GPR139: variants seen among roughly 807,000 people sequenced by gnomAD.
GPR139 encodes G protein-coupled receptor 139, also known as probable G protein-coupled receptor 139.
GPR139 carries 12 observed loss-of-function variants against 25.8 expected under a neutral mutation model. The observed-to-expected ratio is 0.47, with a 90% confidence interval of 0.30 to 0.75. The LOEUF (loss-of-function observed/expected upper bound fraction) is 0.75, where lower values mean the gene tolerates loss of function less well. Among genes scored for constraint, GPR139 ranks in the 30% least tolerant of loss-of-function variants. The pLI is 0.07. For missense variants in GPR139, 380 were observed against 450.2 expected (o/e 0.84, Z 1.41); for synonymous variants, 184 against 179.9 (o/e 1.02, Z -0.18).
chr16:20,072,311 C>T (rs576098990), intron 1 of GPR139, among the ~76,000 whole-genome samples: 98 of 152,248 alleles, frequency 6.4e-4, no homozygotes, highest in Middle Eastern at 6.8e-3. Flanking sequence ...CATCAGGGGC[C>T]CTGACTGCCA....
chr16:20,049,230 G>A lies in GPR139; in HGVS notation c.128-16561C>T, dbSNP rs564060547. Among the ~76,000 whole-genome samples the A allele has an allele frequency of 9.9e-5, 15 of 152,200 alleles. No homozygotes were observed. The South Asian group carries it at 2.3e-3, about 23-fold the overall frequency. On this transcript the variant is annotated intron_variant, in intron 1 of 1. Transcript: ENST00000570682. ...AAGAGTGATGGATGGATGGATGAAC[G>A]GATGGATAGATGGATGGATGGACTC...
intron 1 of GPR139, among the ~76,000 whole-genome samples, chr16:20,067,534 G>A (rs1171500027): frequency 6.6e-6 from 1 of 152,204 alleles, no homozygotes; most frequent in African/African-American, 2.4e-5. Context: ...GCTGGGCACA[G>A]TGGCTCTTGC....
intron 1 of GPR139, among the ~76,000 whole-genome samples, chr16:20,069,966 G>A (rs951961579): frequency 1.3e-5 from 2 of 152,164 alleles, no homozygotes; most frequent in African/African-American, 4.8e-5. Flanking sequence ...GAGGAGGAAA[G>A]GGGGAAAGAG....
intron 1 of GPR139, among the ~76,000 whole-genome samples, chr16:20,036,964 T>C (rs138600870): frequency 6.6e-6 from 1 of 152,270 alleles, no homozygotes; most frequent in African/African-American, 2.4e-5. Flanking sequence ...ATACAGGTAT[T>C]AACAAAGTGG....
At chr16:20,069,042 T>A (rs2057448720) in intron 1 of GPR139, among the ~76,000 whole-genome samples, 1 of 152,222 alleles carries the variant, frequency 6.6e-6, no homozygotes, top group African/African-American at 2.4e-5. Context: ...GTTGATGATT[T>A]TTGTGTCTAT....
In GPR139 at chr16:20,067,804, CA is replaced by C. The variant is rs35387821; in HGVS notation, c.127+5685del. Among the ~76,000 whole-genome samples the C allele has an allele frequency of 3.1e-3, 216 of 68,682 alleles. 1 individual carries two copies. Among genetic ancestry groups the C allele is most frequent in the African/African-American group, 8.8e-3 (148 of 16,880 alleles). The allele number at this position is 68,682 out of a possible 152,430, so 45.1% of individuals were successfully genotyped here. A position where few individuals can be genotyped will look rare whatever the true frequency, so the allele number is the denominator to read the frequency against. Reference sequence around the variant, plus strand: ...GGGCAACTAGAGCAAAACTCCATCTCAAAAAAAAAAAAAAAAAAAAGCATTG... The same window carrying C: ...GGGCAACTAGAGCAAAACTCCATCTCAAAAAAAAAAAAAAAAAAAGCATTG... On this transcript the variant is annotated intron_variant, in intron 1 of 1. Coordinates refer to ENST00000570682, the MANE Select transcript of GPR139 (RefSeq NM_001002911.4).
chr16:20,051,396 G>A (rs73529702), intron 1 of GPR139, among the ~76,000 whole-genome samples: 8,445 of 152,158 alleles, frequency 0.056, 714 homozygotes, highest in African/African-American at 0.19. Flanking sequence ...CCAGCTGCCC[G>A]CTCCCCAAGG....
rs151174050 is a variant in GPR139 at position 20,067,991 on chromosome 16, C to T, written c.127+5499G>A. Among the ~76,000 whole-genome samples the T allele has an allele frequency of 2.7e-3, 402 of 151,222 alleles. 2 individuals carry two copies. Among genetic ancestry groups the T allele is most frequent in the African/African-American group, 9.3e-3 (382 of 41,180 alleles). The stretch of plus-strand genomic sequence containing the variant: ...AATGTGGGACAGTGTGTATAATGTG[C>T]TCATTTTAGGGACAGTGAAAAAAAA... On this transcript the variant is annotated intron_variant, in intron 1 of 1. Coordinates refer to ENST00000570682, the MANE Select transcript of GPR139 (RefSeq NM_001002911.4).
chr16:20,036,585 C>A (rs1237163942), intron 1 of GPR139, among the ~76,000 whole-genome samples: 1 of 152,140 alleles, frequency 6.6e-6, no homozygotes, highest in Non-Finnish European at 1.5e-5. Context: ...CAGGGGAACT[C>A]CCCTTTATAA....
rs56851181 is a variant in GPR139, at chr16:20,065,597, C to T, written c.127+7893G>A. Among the ~76,000 whole-genome samples, 567 of 152,168 alleles carry T rather than the reference C, an allele frequency of 3.7e-3. 1 individual carries two copies. The highest frequency in any genetic ancestry group is 0.013 in the African/African-American group (536 of 41,500). On this transcript the variant is annotated intron_variant, in intron 1 of 1. Coordinates refer to ENST00000570682, the MANE Select transcript of GPR139 (RefSeq NM_001002911.4). Reference sequence around the variant, plus strand: ...GAATCATAAGTTAAATGAGGCCAGGCGCATTGGTCACACCTGTAATCCCAG... The same window carrying T: ...GAATCATAAGTTAAATGAGGCCAGGTGCATTGGTCACACCTGTAATCCCAG...
intron 1 of GPR139, among the ~76,000 whole-genome samples, chr16:20,050,237 T>C (rs1020384503): frequency 9.9e-5 from 15 of 151,990 alleles, no homozygotes; most frequent in African/African-American, 3.1e-4. Flanking sequence ...GAGCGGGCAA[T>C]AGGAGCCAGT....
At chr16:20,060,258 G>A (rs1046854229) in intron 1 of GPR139, among the ~76,000 whole-genome samples, 9 of 151,526 alleles carry the variant, frequency 5.9e-5, no homozygotes, top group South Asian at 2.1e-4. Context: ...GTGTGTGTGC[G>A]TGTGTGTGTG....
chr16:20,049,417 AG>A (rs1394045419), intron 1 of GPR139, among the ~76,000 whole-genome samples: 2 of 152,174 alleles, frequency 1.3e-5, no homozygotes, highest in African/African-American at 4.8e-5. Context: ...CTTCTATAAT[AG>A]CTATTGAATC....
chr16:20,042,620 C>T (rs1001924809), intron 1 of GPR139, among the ~76,000 whole-genome samples: 3 of 152,088 alleles, frequency 2.0e-5, no homozygotes, highest in Admixed American at 6.5e-5. Flanking sequence ...TCTGAAATAG[C>T]CTTTGTTCTC....
intron 1 of GPR139, among the ~76,000 whole-genome samples, chr16:20,065,783 G>T (rs1380349496): frequency 6.6e-6 from 1 of 150,682 alleles, no homozygotes; most frequent in East Asian, 2.0e-4. Flanking sequence ...TGAGGCAGAA[G>T]AATCGCTTGA....
At chr16:20,060,294 T>C (rs1002175620) in intron 1 of GPR139, among the ~76,000 whole-genome samples, 6 of 151,940 alleles carry the variant, frequency 3.9e-5, no homozygotes, top group Non-Finnish European at 7.4e-5. Flanking sequence ...TCTGTGTGTC[T>C]ATATGTGTAT....
chr16:20,049,295 C>T (rs1042076712), intron 1 of GPR139, among the ~76,000 whole-genome samples: 20 of 152,158 alleles, frequency 1.3e-4, no homozygotes, highest in Non-Finnish European at 2.8e-4. Context: ...TGTTTGCTGT[C>T]ATTTTCATGG....
intron 1 of GPR139, among the ~76,000 whole-genome samples, chr16:20,066,105 A>T (rs1208835040): frequency 6.6e-6 from 1 of 152,208 alleles, no homozygotes; most frequent in African/African-American, 2.4e-5. Flanking sequence ...TAAGTGAAGC[A>T]TTTCTTAAAA....
intron 1 of GPR139, among the ~76,000 whole-genome samples, chr16:20,058,865 A>G (rs1161962768): frequency 6.6e-6 from 1 of 152,190 alleles, no homozygotes; most frequent in Admixed American, 6.5e-5. Flanking sequence ...CATTAGCAGG[A>G]TTCGCCCACT....
Sources: gnomAD v4.1 joint callset for allele counts (sites outside exome capture counted in the v4.1 genomes callset) on GRCh38, gnomAD v4.1.1 for gene constraint, MANE v1.5 for transcripts, NCBI Gene and HGNC (gene_info 2026-07-23, HGNC 2026-07-21) for gene names.